TBC1D21: variants seen among roughly 807,000 people sequenced by gnomAD.
TBC1D21 encodes the protein TBC1 domain family member 21, also known as male germ cell Rab GTPase-activating protein.
In TBC1D21, 38 loss-of-function variants were observed where a neutral mutation model predicts 46.0. The ratio of observed to expected loss-of-function variants is 0.83; its 90% CI spans 0.64 to 1.08. TBC1D21 has a LOEUF of 1.08. Ranked by LOEUF, TBC1D21 falls within the 50% of genes least tolerant of loss-of-function variation. TBC1D21 has a pLI of 0.00. For synonymous variants in TBC1D21, 151 were observed against 157.2 expected (o/e 0.96, Z 0.29); for missense variants, 415 against 417.9 (o/e 0.99, Z 0.06).
the TBC1D21 span, among the ~76,000 whole-genome samples, chr15:73,907,459 C>T: frequency 6.6e-6 from 1 of 152,206 alleles, no homozygotes; most frequent in Non-Finnish European, 1.5e-5. Context: ...CTTAGCTTGA[C>T]CACTTCCTAG....
chr15:73,890,500 G>T (rs936764638), downstream of TBC1D21, among the ~76,000 whole-genome samples: 3 of 152,168 alleles, frequency 2.0e-5, 1 homozygote, highest in South Asian at 6.2e-4. Context: ...AAGTGTTCCC[G>T]CATGAAAGAC....
At chr15:73,901,431 C>T in the TBC1D21 span, among the ~76,000 whole-genome samples, 2 of 152,260 alleles carry the variant, frequency 1.3e-5, no homozygotes, top group Non-Finnish European at 2.9e-5. Context: ...AAGAGCACTC[C>T]TCATGCAAAT....
chr15:73,876,342 C>G (rs2141548043), intron 1 of TBC1D21, among the ~76,000 whole-genome samples: 1 of 148,138 alleles, frequency 6.8e-6, no homozygotes, highest in African/African-American at 2.5e-5. Flanking sequence ...ATTCTCCTGC[C>G]TCAGCCTCCC....
At chr15:73,900,063 G>A in the TBC1D21 span, among the ~76,000 whole-genome samples, 1 of 152,298 alleles carries the variant, frequency 6.6e-6, no homozygotes, top group East Asian at 1.9e-4. Flanking sequence ...GGTTTCTGGC[G>A]ATGTGACTGT....
downstream of TBC1D21, among the ~76,000 whole-genome samples, chr15:73,894,144 C>T (rs951700462): frequency 1.3e-5 from 2 of 152,220 alleles, no homozygotes; most frequent in African/African-American, 2.4e-5. Context: ...TGCTGATGGG[C>T]GAACCCCAGG....
rs996523046 is a variant in TBC1D21 at position 73,873,658 on chromosome 15, T to C, written c.-52T>C. ...ATCTCCGAAAAGGATTAAGCATCAC[T>C]AGGGCTCCAAGTGAGTTCTGATCAG... On this transcript the variant is annotated 5_prime_UTR_variant, in exon 1 of 11. Coordinates refer to ENST00000300504, the MANE Select transcript of TBC1D21 (RefSeq NM_153356.3). The C allele has an allele frequency of 6.4e-7, 1 of 1,566,624 alleles. No homozygotes were observed. The highest frequency in any genetic ancestry group is 8.7e-7 in the Non-Finnish European group (1 of 1,151,532).
the TBC1D21 span, among the ~76,000 whole-genome samples, chr15:73,903,593 G>C: frequency 6.6e-6 from 1 of 152,164 alleles, no homozygotes; most frequent in African/African-American, 2.4e-5. Flanking sequence ...TTGTCAGAAG[G>C]CCTGTTTAGT....
chr15:73,887,438 G>A (rs1288876114), intron 8 of TBC1D21, among the ~76,000 whole-genome samples, 182 bp from the exon 9 acceptor site: 2 of 152,076 alleles, frequency 1.3e-5, no homozygotes, highest in East Asian at 1.9e-4. Context: ...GAGTACCTGT[G>A]AGCACATGCC....
At chr15:73,874,062 G>A (rs1273651440) in intron 1 of TBC1D21, among the ~76,000 whole-genome samples, 2 of 152,160 alleles carry the variant, frequency 1.3e-5, no homozygotes, top group African/African-American at 2.4e-5. Flanking sequence ...ATTTTCATCG[G>A]TGCTTTTTGC....
the TBC1D21 span, among the ~76,000 whole-genome samples, chr15:73,909,543 G>C: frequency 6.6e-6 from 1 of 152,158 alleles, no homozygotes; most frequent in Non-Finnish European, 1.5e-5. Context: ...GGGAAGTGGA[G>C]GGAAGGTGGG....
the TBC1D21 span, among the ~76,000 whole-genome samples, chr15:73,910,015 C>T: frequency 2.0e-5 from 3 of 152,102 alleles, no homozygotes; most frequent in Admixed American, 2.0e-4. Flanking sequence ...CCAATAAATC[C>T]TCATTTTTGC....
rs57897774 is a variant in TBC1D21 at position 73,880,304 on chromosome 15, C to CCACACACACACA, written c.61-1081_61-1070dup. On this transcript the variant is annotated intron_variant, in intron 1 of 10. Transcript: ENST00000300504. Reference sequence around the variant, plus strand: ...CATACACATAGCACACAGATATATACCACACACACACACACACACACACAC... The same window carrying CCACACACACACA: ...CATACACATAGCACACAGATATATACCACACACACACACACACACACACACACACACACACAC... Among the ~76,000 whole-genome samples, 1,002 of 149,472 alleles carry CCACACACACACA rather than the reference C, an allele frequency of 6.7e-3. 11 individuals carry two copies. The highest frequency in any genetic ancestry group is 0.02 in the African/African-American group (827 of 40,594).
chr15:73,882,113 C>A (rs1057205179), intron 3 of TBC1D21, among the ~76,000 whole-genome samples: 2 of 152,044 alleles, frequency 1.3e-5, no homozygotes, highest in East Asian at 1.9e-4. Flanking sequence ...TCCTCCCTGC[C>A]CCCCATGGCT....
At chr15:73,883,520 C>T (rs912244459) in intron 3 of TBC1D21, among the ~76,000 whole-genome samples, 5 of 152,150 alleles carry the variant, frequency 3.3e-5, no homozygotes, top group African/African-American at 1.2e-4. Flanking sequence ...GTGGTGAGAC[C>T]TTCTGCTTTC....
chr15:73,907,663 T>G, the TBC1D21 span, among the ~76,000 whole-genome samples: 1,769 of 152,322 alleles, frequency 0.012, 23 homozygotes, highest in African/African-American at 0.04. Flanking sequence ...CCATCCTCAC[T>G]CACATGTTCC....
chr15:73,887,895 G>A (rs778478125), intron 9 of TBC1D21, among the ~76,000 whole-genome samples, 159 bp downstream of exon 9: 11 of 152,202 alleles, frequency 7.2e-5, no homozygotes, highest in South Asian at 2.1e-4. Context: ...ACGGATTACC[G>A]TGCCAAGGGC....
chr15:73,887,703 G>A lies in TBC1D21; in HGVS notation c.861G>A (p.Leu287=), dbSNP rs1445070156. 1.2e-6 allele frequency: 2 copies of A among 1,613,750 alleles called. No individual in the cohort carries two copies. Among genetic ancestry groups the A allele is most frequent in the African/African-American group, 2.7e-5 (2 of 74,920 alleles). ...SMLQMVREQV[L]QESMGGDDIL... ...TGCAGATGGTGCGGGAGCAGGTGCT[G>A]CAGGAAAGCATGGGCGGGGATGACA... The change falls in exon 9 of 11, where the codon CTG becomes CTA. Residue 287 remains leucine, a synonymous_variant. Transcript: ENST00000300504.
downstream of TBC1D21, among the ~76,000 whole-genome samples, chr15:73,891,007 T>A (rs1032592330): frequency 2.0e-5 from 3 of 152,184 alleles, no homozygotes; most frequent in Non-Finnish European, 2.9e-5. Flanking sequence ...ACCAAATTGA[T>A]CCAGATTCAG....
rs6145631 is a variant in TBC1D21 at position 73,885,815 on chromosome 15, T to C, written c.580-263T>C. 2.8e-3 allele frequency among the ~76,000 whole-genome samples: 413 copies of C among 148,146 alleles called. 2 individuals are homozygous for C. Among genetic ancestry groups the C allele is most frequent in the African/African-American group, 9.7e-3 (390 of 40,110 alleles). ...GTTGAGAATCTCTACTACACACACATACACACACACACACACACACACACA... is the reference window on the plus strand; with the variant it reads ...GTTGAGAATCTCTACTACACACACACACACACACACACACACACACACACA... On this transcript the variant is annotated intron_variant, in intron 6 of 10. Coordinates refer to ENST00000300504, the MANE Select transcript of TBC1D21 (RefSeq NM_153356.3).
Sources: allele counts gnomAD v4.1 joint callset (sites outside exome capture counted in the v4.1 genomes callset), GRCh38; gene constraint gnomAD v4.1.1; transcripts MANE v1.5; gene names NCBI Gene and HGNC (gene_info 2026-07-23, HGNC 2026-07-21).